Variants in PKHD1 observed in about 807,000 individuals in gnomAD.
PKHD1 encodes the protein fibrocystin.
Under a neutral mutation model 412.0 loss-of-function variants are expected in PKHD1, and 291 were observed. The observed-to-expected ratio is 0.71, with a 90% CI of 0.64 to 0.78. The LOEUF is 0.78. Ranked by LOEUF, PKHD1 falls within the 30% of genes least tolerant of loss-of-function variation. The pLI is 0.00. For missense variants in PKHD1, 4,825 were observed against 4,950.7 expected, an observed-to-expected ratio of 0.97 and a Z score of 0.76; for synonymous variants, 1,777 against 1,821.5, an observed-to-expected ratio of 0.98 and a Z score of 0.62.
rs2150240397 is a variant in PKHD1 at position 51,619,315 on chromosome 6, C to G, written c.11991G>C (p.Gly3997=). 1 of 1,614,244 alleles carries G rather than the reference C, an allele frequency of 6.2e-7. No homozygotes were observed. The highest frequency in any genetic ancestry group is 1.7e-5 in the Admixed American group (1 of 60,026). The part of the protein sequence containing the change: ...PAQQVYLQET[G]NWKEGQEQLL... Reference sequence around the variant, plus strand: ...ACTGCTCTTGGCCCTCCTTCCAGTTCCCAGTCTCTTGCAGGTACACCTGCT... The same window carrying G: ...ACTGCTCTTGGCCCTCCTTCCAGTTGCCAGTCTCTTGCAGGTACACCTGCT... The change falls in exon 67 of 67, where the codon GGG becomes GGC. Residue 3997 remains glycine (G), a synonymous_variant. Transcript: ENST00000371117.
intron 60 of PKHD1, among the ~76,000 whole-genome samples, chr6:51,735,383 G>A (rs532282806): frequency 6.6e-6 from 1 of 152,274 alleles, no homozygotes; most frequent in African/African-American, 2.4e-5. Context: ...ATAAATGAGA[G>A]TATTTATAAA....
chr6:51,663,249 C>A (rs1419285934), intron 60 of PKHD1, among the ~76,000 whole-genome samples: 1 of 152,004 alleles, frequency 6.6e-6, no homozygotes, highest in African/African-American at 2.4e-5. Context: ...ACATTTTTTT[C>A]AGCCATGCTG....
At chr6:51,841,369 C>CCCTTT (rs3062523) in intron 50 of PKHD1, among the ~76,000 whole-genome samples, 85,252 of 151,180 alleles carry the variant, frequency 0.56, 25,036 homozygotes, top group East Asian at 0.92. Context: ...AAGTTTCCTT[C>CCCTTT]CCTTTCCTTT....
At chr6:52,048,648 C>T (rs745906930) in intron 22 of PKHD1, 29 bp from the exon 23 acceptor site, 54 of 1,613,328 alleles carry the variant, frequency 3.3e-5, no homozygotes, top group Middle Eastern at 3.5e-4. Flanking sequence ...AAAGTATTAA[C>T]GTCTGGGTTG....
At chr6:51,958,429 A>G (rs1791488015) in intron 36 of PKHD1, among the ~76,000 whole-genome samples, 1 of 152,160 alleles carries the variant, frequency 6.6e-6, no homozygotes, top group South Asian at 2.1e-4. Context: ...GTGAGAAGTC[A>G]AATGAATGTT....
chr6:51,653,690 G>A (rs1473408822), intron 61 of PKHD1, among the ~76,000 whole-genome samples: 1 of 152,132 alleles, frequency 6.6e-6, no homozygotes, highest in African/African-American at 2.4e-5. Flanking sequence ...AATAAACACG[G>A]TACATCTTCC....
At position 51,994,301 on chromosome 6, in the gene PKHD1, A is replaced by G. The variant is rs143149193; in HGVS notation, c.5751+16008T>C. Among the ~76,000 whole-genome samples, 738 of 151,528 alleles carry G rather than the reference A, an allele frequency of 4.9e-3. 9 individuals are homozygous for G. Among genetic ancestry groups the G allele is most frequent in the African/African-American group, 0.017 (698 of 41,308 alleles). ...AGGCGCCTGCCACCGCGCCCAGCTA[A>G]TTTTTTTGTATTTTTAATAGAGACG... On this transcript the variant is annotated intron_variant, in intron 35 of 66. Transcript: ENST00000371117.
At chr6:51,730,043 T>C (rs926695634) in intron 60 of PKHD1, among the ~76,000 whole-genome samples, 1 of 152,196 alleles carries the variant, frequency 6.6e-6, no homozygotes. Flanking sequence ...TTGTTTCATT[T>C]CTCTGTAAAA....
chr6:51,727,346 C>A (rs1021193793), intron 60 of PKHD1, among the ~76,000 whole-genome samples: 2 of 152,076 alleles, frequency 1.3e-5, no homozygotes, highest in African/African-American at 4.8e-5. Flanking sequence ...GATGAAAGAA[C>A]TTGACAGAGG....
At chr6:51,781,537 C>G (rs1175573264) in intron 53 of PKHD1, among the ~76,000 whole-genome samples, 1 of 152,036 alleles carries the variant, frequency 6.6e-6, no homozygotes, top group African/African-American at 2.4e-5. Context: ...TAAGGTCGAG[C>G]AAATTACCTC....
intron 35 of PKHD1, among the ~76,000 whole-genome samples, chr6:51,977,138 G>A (rs912939501): frequency 3.3e-5 from 5 of 152,094 alleles, no homozygotes; most frequent in African/African-American, 1.2e-4. Context: ...TCATTTTTCA[G>A]ATGAGAACAC....
chr6:52,071,072 T>C lies in PKHD1; in HGVS notation c.603-2A>G, dbSNP rs757521428. ...CCATGGTCCTCCTGAATAGGATAACTAAGGAAAAGACAAACTGAGGTAAGA... is the reference window on the plus strand; with the variant it reads ...CCATGGTCCTCCTGAATAGGATAACCAAGGAAAAGACAAACTGAGGTAAGA... On this transcript the variant is annotated splice_acceptor_variant, in intron 8 of 66. Coordinates refer to ENST00000371117, the MANE Select transcript of PKHD1 (RefSeq NM_138694.4). LOFTEE classifies it high-confidence loss of function. The C allele has an allele frequency of 8.2e-6, 13 of 1,591,304 alleles. No individual in the cohort carries two copies. In the South Asian group the frequency reaches 1.2e-4, roughly 15 times the overall value.
chr6:51,881,461 A>G, intron 46 of PKHD1, among the ~76,000 whole-genome samples: 1 of 152,192 alleles, frequency 6.6e-6, no homozygotes, highest in East Asian at 1.9e-4. Flanking sequence ...TTTGGGAAAT[A>G]GAGGGTACGG....
chr6:51,649,028 C>T, intron 62 of PKHD1, 57 bp downstream of exon 62: 1 of 1,535,566 alleles, frequency 6.5e-7, no homozygotes, highest in Non-Finnish European at 9.0e-7. Flanking sequence ...AAAAGATAGG[C>T]TGAATGCTAC....
At chr6:51,733,684 A>C (rs1350043824) in intron 60 of PKHD1, among the ~76,000 whole-genome samples, 1 of 152,216 alleles carries the variant, frequency 6.6e-6, no homozygotes, top group Non-Finnish European at 1.5e-5. Flanking sequence ...TGCTTGAAAA[A>C]GTCTTATTTG....
Position 51,830,999 on chromosome 6 carries a change from A to T in PKHD1, c.8174-10T>A, listed in dbSNP as rs1768152398. 2 of 1,574,848 alleles carry T rather than the reference A, an allele frequency of 1.3e-6. No homozygotes were observed. The highest frequency in any genetic ancestry group is 1.7e-6 in the Non-Finnish European group (2 of 1,148,366). Reference sequence around the variant, plus strand: ...GGGGCAGAGGTAGAAGCTAGAAAATAAAAAAAAATTTTGAAAATCTAATCC... The same window carrying T: ...GGGGCAGAGGTAGAAGCTAGAAAATTAAAAAAAATTTTGAAAATCTAATCC... On this transcript the variant is annotated splice_polypyrimidine_tract_variant and intron_variant, in intron 51 of 66. Coordinates refer to ENST00000371117, the MANE Select transcript of PKHD1 (RefSeq NM_138694.4).
chr6:51,912,722 A>G, intron 37 of PKHD1, 146 bp from the exon 38 acceptor site: 1 of 666,360 alleles, frequency 1.5e-6, no homozygotes, highest in Non-Finnish European at 2.7e-6. Flanking sequence ...ATAGGTAAGC[A>G]CTAATTTTTT....
intron 60 of PKHD1, among the ~76,000 whole-genome samples, chr6:51,717,087 T>C (rs895537959): frequency 6.6e-6 from 1 of 152,222 alleles, no homozygotes; most frequent in Non-Finnish European, 1.5e-5. Context: ...TTCCTTGTCC[T>C]GATTAATGCA....
chr6:51,635,814 A>G (rs1768460763), intron 64 of PKHD1, among the ~76,000 whole-genome samples: 1 of 127,998 alleles, frequency 7.8e-6, no homozygotes. Context: ...GGAATTGGCA[A>G]CCACAGGTAG....
Sources: gnomAD v4.1 joint callset for allele counts (sites outside exome capture counted in the v4.1 genomes callset) on GRCh38, gnomAD v4.1.1 for gene constraint, MANE v1.5 for transcripts, NCBI Gene and HGNC (gene_info 2026-07-23, HGNC 2026-07-21) for gene names.